STX2: variants seen among roughly 807,000 people sequenced by gnomAD.
The protein encoded by STX2 is syntaxin-2.
STX2 carries 27 observed loss-of-function variants against 40.6 expected under a neutral mutation model. The ratio of observed to expected loss-of-function variants is 0.66; its 90% CI spans 0.49 to 0.92. STX2 has a LOEUF of 0.92. STX2 is among the 40% of genes least tolerant of loss of function. The pLI is 0.00. For synonymous variants in STX2, 123 were observed against 119.1 expected (o/e 1.03, Z -0.22); for missense variants, 328 against 366.1 (o/e 0.90, Z 0.85).
intron 1 of STX2, among the ~76,000 whole-genome samples, chr12:130,830,164 C>T (rs149184030): frequency 6.6e-6 from 1 of 152,338 alleles, no homozygotes; most frequent in Non-Finnish European, 1.5e-5. Flanking sequence ...TCCTACCCCC[C>T]ACACCACAAG....
At chr12:130,800,299 ATTTTTT>A (rs749716699) in intron 8 of STX2, among the ~76,000 whole-genome samples, 1 of 143,568 alleles carries the variant, frequency 7.0e-6, no homozygotes. Context: ...ATATGTGTGT[ATTTTTT>A]TTTTTTTTTT....
chr12:130,829,918 C>T (rs1156926972), intron 1 of STX2, among the ~76,000 whole-genome samples: 1 of 152,200 alleles, frequency 6.6e-6, no homozygotes, highest in African/African-American at 2.4e-5. Flanking sequence ...AGTGCTTCAC[C>T]CCACCCTGGA....
intron 1 of STX2, among the ~76,000 whole-genome samples, chr12:130,837,090 G>A (rs978341964): frequency 4.0e-5 from 6 of 149,538 alleles, no homozygotes; most frequent in Non-Finnish European, 8.9e-5. Context: ...CAGCTCTCAC[G>A]TTCAATGACA....
At chr12:130,812,314 G>GAA in intron 4 of STX2, 1 of 447,134 alleles carries the variant, frequency 2.2e-6, no homozygotes, top group Non-Finnish European at 4.5e-6. Flanking sequence ...ACACACTGAT[G>GAA]AAATCTCAGA....
Position 130,791,826 on chromosome 12 carries a change from G to T in STX2, c.*197C>A. The T allele has an allele frequency of 2.3e-6, 3 of 1,324,800 alleles. No individual in the cohort carries two copies. The highest frequency in any genetic ancestry group is 3.3e-6 in the Non-Finnish European group (3 of 923,000). The allele number at this position is 1,324,800 out of a possible 1,614,324, so 82.1% of individuals were successfully genotyped here. On this transcript the variant is annotated 3_prime_UTR_variant, in exon 11 of 11. Coordinates refer to ENST00000392373, the MANE Select transcript of STX2 (RefSeq NM_194356.4). Reference sequence around the variant, plus strand: ...GTTACAGCGTCTGAGATTCATTCACGAAATGACAGGATGCTGATTTGGTTG... The same window carrying T: ...GTTACAGCGTCTGAGATTCATTCACTAAATGACAGGATGCTGATTTGGTTG...
chr12:130,791,199 G>A lies in STX2; in HGVS notation c.*824C>T, dbSNP rs1332251628. On this transcript the variant is annotated 3_prime_UTR_variant, in exon 11 of 11. Coordinates refer to ENST00000392373, the MANE Select transcript of STX2 (RefSeq NM_194356.4). Reference sequence around the variant, plus strand: ...TAGCACAAACTAGCTGGGAGAGGGAGGGAAAGGAAGCCTTAGACCTGAGAT... The same window carrying A: ...TAGCACAAACTAGCTGGGAGAGGGAAGGAAAGGAAGCCTTAGACCTGAGAT... 6.6e-6 allele frequency: 1 copy of A among 152,178 alleles called. No homozygotes were observed. The highest frequency in any genetic ancestry group is 1.5e-5 in the Non-Finnish European group (1 of 68,038). 9.4% of individuals were successfully genotyped at this position (152,178 alleles called of 1,614,324 possible).
At chr12:130,834,830 T>TAAA (rs1192150409) in intron 1 of STX2, among the ~76,000 whole-genome samples, 1 of 152,256 alleles carries the variant, frequency 6.6e-6, no homozygotes, top group Admixed American at 6.5e-5. Flanking sequence ...GTTCATATAT[T>TAAA]AAACTCTTAG....
At chr12:130,832,844 C>G (rs979090811) in intron 1 of STX2, among the ~76,000 whole-genome samples, 1 of 152,174 alleles carries the variant, frequency 6.6e-6, no homozygotes, top group Non-Finnish European at 1.5e-5. Context: ...CTCTGGGCCT[C>G]TGGACTTGCT....
intron 4 of STX2, chr12:130,812,336 G>A (rs1425705466): frequency 2.2e-6 from 1 of 451,486 alleles, no homozygotes; most frequent in East Asian, 7.1e-5. Flanking sequence ...GCCTGGGATG[G>A]GCTTCAGAAT....
At chr12:130,827,386 G>A (rs1313090564) in intron 1 of STX2, 119 bp from the exon 2 acceptor site, 3 of 704,556 alleles carry the variant, frequency 4.3e-6, no homozygotes, top group Non-Finnish European at 7.4e-6. Flanking sequence ...GCACCAAATT[G>A]TAACAGACTA....
At chr12:130,803,666 C>CAAAAA (rs869033438) in intron 6 of STX2, among the ~76,000 whole-genome samples, 2 of 16,740 alleles carry the variant, frequency 1.2e-4, no homozygotes, top group Non-Finnish European at 2.6e-4. Context: ...GGCTCTCTCT[C>CAAAAA]AAAAAAAAAA....
chr12:130,834,554 T>C (rs7956851), intron 1 of STX2, among the ~76,000 whole-genome samples: 61,076 of 151,988 alleles, frequency 0.4, 13,504 homozygotes, highest in African/African-American at 0.59. Flanking sequence ...AGTTATTTCT[T>C]ACAGTTGCTA....
chr12:130,825,615 T>C (rs1408790258), intron 2 of STX2, among the ~76,000 whole-genome samples: 5 of 152,234 alleles, frequency 3.3e-5, no homozygotes, highest in African/African-American at 1.2e-4. Context: ...GGTTTTTTCC[T>C]TTAAATAACA....
chr12:130,820,620 T>C (rs890799337), intron 3 of STX2, among the ~76,000 whole-genome samples: 17 of 152,026 alleles, frequency 1.1e-4, no homozygotes, highest in African/African-American at 3.4e-4. Flanking sequence ...GAGCCGAGAC[T>C]GTGCCACTGC....
At chr12:130,823,174 C>T (rs893596964) in intron 2 of STX2, among the ~76,000 whole-genome samples, 3 of 152,056 alleles carry the variant, frequency 2.0e-5, no homozygotes, top group African/African-American at 7.2e-5. Flanking sequence ...TAGCCGGGCA[C>T]AATGGTGCAT....
chr12:130,833,129 G>A (rs1235672585), intron 1 of STX2, among the ~76,000 whole-genome samples: 6 of 152,162 alleles, frequency 3.9e-5, no homozygotes, highest in African/African-American at 9.7e-5. Context: ...GCACCCAGCC[G>A]CCAGTCAGTG....
chr12:130,825,810 T>A (rs185536545), intron 2 of STX2, among the ~76,000 whole-genome samples: 41 of 152,346 alleles, frequency 2.7e-4, no homozygotes, highest in Admixed American at 1.0e-3. Flanking sequence ...AGACTCAGCA[T>A]AATCAAGACG....
intron 4 of STX2, chr12:130,810,714 C>A (rs949029869): frequency 6.6e-6 from 1 of 152,202 alleles, no homozygotes; most frequent in South Asian, 2.1e-4. Flanking sequence ...CATGTGTTCA[C>A]GATGATGGAC....
chr12:130,806,388 C>A (rs1951435384), intron 6 of STX2, among the ~76,000 whole-genome samples: 1 of 152,178 alleles, frequency 6.6e-6, no homozygotes, highest in Non-Finnish European at 1.5e-5. Context: ...GGCCCCCAGT[C>A]TCATGGGGAG....
Sources: gnomAD v4.1 joint callset for allele counts (sites outside exome capture counted in the v4.1 genomes callset) on GRCh38, gnomAD v4.1.1 for gene constraint, MANE v1.5 for transcripts, NCBI Gene and HGNC (gene_info 2026-07-23, HGNC 2026-07-21) for gene names.